Variants in PRELID2 observed in about 807,000 individuals in gnomAD.
PRELID2 encodes the protein PRELI domain containing 2, also known as PRELI domain-containing protein 2.
In PRELID2, 25 loss-of-function variants were observed where a neutral mutation model predicts 28.4. The ratio of observed to expected loss-of-function variants is 0.88; its 90% CI spans 0.64 to 1.23. The LOEUF is 1.23. Ranked by LOEUF, PRELID2 falls within the 50% of genes most tolerant of loss-of-function variation. The probability of loss-of-function intolerance (pLI) is 0.00; values close to 1 mark genes in which losing one functional copy is unlikely to be tolerated. For synonymous variants in PRELID2, 76 were observed against 71.6 expected, an observed-to-expected ratio of 1.06 and a Z score of -0.31; for missense variants, 201 against 214.4, an observed-to-expected ratio of 0.94 and a Z score of 0.39.
Position 145,675,801 on chromosome 5 carries a change from T to C in PRELID2, n.70+89130A>G, listed in dbSNP as rs1010944408. ...ACAGAAAATGTTTGCTGAACTCGGC[T>C]ATGAACCAGCAAGGTACATCCACAC... On this transcript the variant is annotated intron_variant and non_coding_transcript_variant, in intron 1 of 2. Coordinates refer to the PRELID2 transcript ENST00000510259. 1.1e-4 allele frequency among the ~76,000 whole-genome samples: 17 copies of C among 152,212 alleles called. No individual in the cohort carries two copies. The East Asian group carries it at 3.3e-3, about 29-fold the overall frequency.
intron 5 of PRELID2, among the ~76,000 whole-genome samples, chr5:145,767,662 C>T (rs1757849350): frequency 6.6e-6 from 1 of 152,184 alleles, no homozygotes; most frequent in African/African-American, 2.4e-5. Flanking sequence ...TGCATCTGCT[C>T]ACCTGTGTGC....
the PRELID2 span, among the ~76,000 whole-genome samples, chr5:145,373,334 A>T: frequency 0.014 from 1,080 of 75,756 alleles, 92 homozygotes; most frequent in South Asian, 0.02. Context: ...ATAATATACG[A>T]TATATATTAC....
chr5:145,309,740 G>T, the PRELID2 span, among the ~76,000 whole-genome samples: 3 of 152,092 alleles, frequency 2.0e-5, no homozygotes, highest in Admixed American at 1.3e-4. Flanking sequence ...ACAAAAAAAG[G>T]TTCAGTAACT....
At chr5:145,320,932 G>A in the PRELID2 span, among the ~76,000 whole-genome samples, 13 of 152,124 alleles carry the variant, frequency 8.5e-5, no homozygotes, top group East Asian at 1.9e-4. Flanking sequence ...TATGCTCAGC[G>A]TAGTACTAAA....
At chr5:145,408,106 C>T in the PRELID2 span, among the ~76,000 whole-genome samples, 1 of 152,010 alleles carries the variant, frequency 6.6e-6, no homozygotes, top group South Asian at 2.1e-4. Flanking sequence ...AAAGAGAGCA[C>T]CACATTGAGG....
chr5:145,337,726 T>TATAC, the PRELID2 span, among the ~76,000 whole-genome samples: 34 of 29,246 alleles, frequency 1.2e-3, no homozygotes, highest in Admixed American at 3.0e-3. Flanking sequence ...TATATATATA[T>TATAC]ATATACTCAC....
chr5:145,321,873 A>T, the PRELID2 span, among the ~76,000 whole-genome samples: 1 of 152,348 alleles, frequency 6.6e-6, no homozygotes, highest in East Asian at 1.9e-4. Flanking sequence ...TCCAATAAGG[A>T]TATAACATGC....
At chr5:145,612,850 A>T (rs1038174208) in intron 1 of PRELID2, among the ~76,000 whole-genome samples, 1 of 151,988 alleles carries the variant, frequency 6.6e-6, no homozygotes, top group Non-Finnish European at 1.5e-5. Context: ...TTCTTTATCC[A>T]CTTGTTGATT....
At chr5:145,784,248 AAG>A (rs1751840631) in intron 5 of PRELID2, among the ~76,000 whole-genome samples, 1 of 151,270 alleles carries the variant, frequency 6.6e-6, no homozygotes, top group Non-Finnish European at 1.5e-5. Context: ...AAAAAAAAAA[AAG>A]AAAAGAAAAG....
chr5:145,255,611 A>T, the PRELID2 span, among the ~76,000 whole-genome samples: 6 of 147,374 alleles, frequency 4.1e-5, no homozygotes, highest in South Asian at 1.3e-3. Context: ...TGTCTCTATT[A>T]AAAAAAAAAG....
At chr5:145,530,217 C>T (rs141631339) in intron 1 of PRELID2, among the ~76,000 whole-genome samples, 1 of 152,176 alleles carries the variant, frequency 6.6e-6, no homozygotes, top group East Asian at 1.9e-4. Context: ...ATAGAGAACG[C>T]CATTCAATTT....
chr5:145,290,030 C>A, the PRELID2 span, among the ~76,000 whole-genome samples: 1 of 152,164 alleles, frequency 6.6e-6, no homozygotes, highest in South Asian at 2.1e-4. Flanking sequence ...CAGAGAAATG[C>A]AAATCAAAAC....
intron 1 of PRELID2, among the ~76,000 whole-genome samples, chr5:145,543,843 G>A (rs768465356): frequency 6.6e-6 from 1 of 152,054 alleles, no homozygotes; most frequent in South Asian, 2.1e-4. Context: ...TCTCCCAGAA[G>A]TCAAACAGTT....
intron 1 of PRELID2, among the ~76,000 whole-genome samples, chr5:145,633,160 G>A (rs1392904318): frequency 6.6e-6 from 1 of 152,174 alleles, no homozygotes; most frequent in Non-Finnish European, 1.5e-5. Context: ...ACCTTGATTT[G>A]AGCCCTGTAA....
At chr5:145,250,476 G>T in the PRELID2 span, among the ~76,000 whole-genome samples, 1 of 152,114 alleles carries the variant, frequency 6.6e-6, no homozygotes, top group African/African-American at 2.4e-5. Flanking sequence ...AGAAGCTGCT[G>T]ACTGACCAAC....
chr5:145,498,053 A>G (rs1752323508), intron 1 of PRELID2, among the ~76,000 whole-genome samples: 1 of 152,136 alleles, frequency 6.6e-6, no homozygotes, highest in South Asian at 2.1e-4. Flanking sequence ...ACCACTGATA[A>G]CTCTCTAAGA....
intron 4 of PRELID2, among the ~76,000 whole-genome samples, chr5:145,808,154 A>G (rs1753656921): frequency 6.6e-6 from 1 of 152,178 alleles, no homozygotes; most frequent in African/African-American, 2.4e-5. Context: ...CGAATACAGT[A>G]GTATTTATTT....
chr5:145,742,089 T>G (rs1290309567), intron 1 of PRELID2, among the ~76,000 whole-genome samples: 2 of 124,088 alleles, frequency 1.6e-5, no homozygotes, highest in East Asian at 4.6e-4. Context: ...ATTATATATT[T>G]ATAATTACAT....
chr5:145,823,126 G>A lies in PRELID2; in HGVS notation c.84C>T (p.Asn28=), dbSNP rs751160736. The A allele has an allele frequency of 4.0e-6, 6 of 1,513,810 alleles. No individual in the cohort carries two copies. The South Asian group carries it at 6.8e-5, about 17-fold the overall frequency. 93.8% of individuals were successfully genotyped at this position (1,513,810 alleles called of 1,614,324 possible). A position where few individuals can be genotyped will look rare whatever the true frequency, so the allele number is the denominator to read the frequency against. Residue 28 remains asparagine (N), a synonymous_variant, in exon 2 of 7, where the codon AAC becomes AAT. Coordinates refer to ENST00000683046, the MANE Select transcript of PRELID2 (RefSeq NM_205846.3). ...CTGAGATGACATTTTTATCCATGGG[G>A]TTGGGGTACTAAACAAAAATATATA... The part of the protein sequence containing the change: ...VVASFLRKYP[N]PMDKNVISVK...
Sources: gnomAD v4.1 joint callset for allele counts (sites outside exome capture counted in the v4.1 genomes callset) on GRCh38, gnomAD v4.1.1 for gene constraint, MANE v1.5 for transcripts, NCBI Gene and HGNC (gene_info 2026-07-23, HGNC 2026-07-21) for gene names.